The following TOP3A variants were observed in gnomAD, a reference collection of about 807,000 sequenced individuals.
TOP3A encodes the protein DNA topoisomerase 3-alpha.
In TOP3A, 64 loss-of-function variants were observed where a neutral mutation model predicts 111.3. The ratio of observed to expected loss-of-function variants is 0.57; its 90% CI spans 0.47 to 0.71. The LOEUF (loss-of-function observed/expected upper bound fraction) is 0.71. Among genes scored for constraint, TOP3A ranks in the 30% least tolerant of loss-of-function variants. The probability of loss-of-function intolerance (pLI) is 0.00; values close to 1 mark genes in which losing one functional copy is unlikely to be tolerated. For synonymous variants in TOP3A, 484 were observed against 485.1 expected (o/e 1.00, Z 0.03); for missense variants, 1,104 against 1,285.0 (o/e 0.86, Z 2.15).
intron 9 of TOP3A, among the ~76,000 whole-genome samples, chr17:18,295,203 A>G (rs1003761315): frequency 5.9e-5 from 9 of 151,962 alleles, no homozygotes; most frequent in Non-Finnish European, 1.3e-4. Flanking sequence ...CCTAGGCTGG[A>G]GTGCAGTAGC....
intron 13 of TOP3A, 90 bp downstream of exon 13, chr17:18,290,467 G>T: frequency 7.4e-7 from 1 of 1,353,512 alleles, no homozygotes; most frequent in Non-Finnish European, 9.8e-7. Context: ...AGCTGCATTA[G>T]AGAATGGTTT....
chr17:18,301,194 C>T (rs1272849970), intron 8 of TOP3A, among the ~76,000 whole-genome samples: 2 of 152,130 alleles, frequency 1.3e-5, no homozygotes, highest in African/African-American at 4.8e-5. Flanking sequence ...CTGGGTTAAA[C>T]CAGGCTGTTA....
rs1024074897 is a variant in TOP3A, at chr17:18,279,408, C to T, written c.2145-1051G>A. On this transcript the variant is annotated intron_variant, in intron 17 of 18. Coordinates refer to ENST00000321105, the MANE Select transcript of TOP3A (RefSeq NM_004618.5). ...AGTAGCTGGGACTACAGGCGCCCACCAGTACGCCTGGCTGATTTTTTGTAT... is the reference window on the plus strand; with the variant it reads ...AGTAGCTGGGACTACAGGCGCCCACTAGTACGCCTGGCTGATTTTTTGTAT... Among the ~76,000 whole-genome samples, 75 of 151,762 alleles carry T rather than the reference C, an allele frequency of 4.9e-4. 1 individual carries two copies. Among genetic ancestry groups the T allele is most frequent in the Admixed American group, 3.3e-4 (5 of 15,230 alleles).
chr17:18,300,842 T>A (rs1597980093), intron 8 of TOP3A, among the ~76,000 whole-genome samples: 1 of 151,176 alleles, frequency 6.6e-6, no homozygotes, highest in East Asian at 1.9e-4. Flanking sequence ...AAGGGTGGAG[T>A]GAGAGAGAGA....
intron 6 of TOP3A, 52 bp downstream of exon 6, chr17:18,302,528 C>A: frequency 6.3e-7 from 1 of 1,598,618 alleles, no homozygotes. Flanking sequence ...CATTTTTGGT[C>A]CCATAACACA....
At chr17:18,311,145 C>T (rs756125765) in intron 1 of TOP3A, among the ~76,000 whole-genome samples, 2 of 149,326 alleles carry the variant, frequency 1.3e-5, no homozygotes, top group Admixed American at 6.7e-5. Flanking sequence ...GGACTACAGG[C>T]GTCTGCCAGC....
At chr17:18,296,234 G>A (rs1008231209) in intron 9 of TOP3A, among the ~76,000 whole-genome samples, 7 of 152,042 alleles carry the variant, frequency 4.6e-5, no homozygotes, top group African/African-American at 9.7e-5. Context: ...ATGACTATAC[G>A]TCACACTACA....
Position 18,282,778 on chromosome 17 carries a change from G to A in TOP3A, c.1941C>T (p.Ile647=), listed in dbSNP as rs1332727737. The change falls in exon 16 of 19, where the codon ATC becomes ATT. Residue 647 remains isoleucine, a synonymous_variant. Transcript: ENST00000321105. ...TGATGGGCTCTGGCATGGCTGGGTA[G>A]ATATCTTCTTGCTGGGCCAACTCTG... is the stretch of plus-strand genomic sequence containing the variant. ...NGTELAQQED[I]YPAMPEPIRK... is the part of the protein sequence containing the mutation. 1.2e-6 allele frequency: 2 copies of A among 1,614,228 alleles called. No individual in the cohort carries two copies. The highest frequency in any genetic ancestry group is 1.1e-5 in the South Asian group (1 of 91,080).
At chr17:18,303,482 C>T (rs1395134918) in intron 5 of TOP3A, among the ~76,000 whole-genome samples, 1 of 152,130 alleles carries the variant, frequency 6.6e-6, no homozygotes, top group Non-Finnish European at 1.5e-5. Context: ...TGGAATGACT[C>T]GGTGTACAAC....
At position 18,274,562 on chromosome 17, in the gene TOP3A, T is replaced by G; in HGVS notation, c.*240A>C. On this transcript the variant is annotated 3_prime_UTR_variant, in exon 19 of 19. Transcript: ENST00000321105. ...GGTCCGAGGGAGCAGCTGCGTGACTTTTCAGCAGTGGCTATGGTCACTCCT... is the reference window on the plus strand; with the variant it reads ...GGTCCGAGGGAGCAGCTGCGTGACTGTTCAGCAGTGGCTATGGTCACTCCT... The G allele has an allele frequency of 2.0e-6, 1 of 489,260 alleles. No individual in the cohort carries two copies. The highest frequency in any genetic ancestry group is 3.8e-5 in the Admixed American group (1 of 26,252). The allele number at this position is 489,260 out of a possible 1,614,324, so 30.3% of individuals were successfully genotyped here.
chr17:18,301,876 G>A lies in TOP3A; in HGVS notation c.915+9C>T, dbSNP rs1329999872. 2.2e-5 allele frequency: 36 copies of A among 1,611,076 alleles called. No homozygotes were observed. Among genetic ancestry groups the A allele is most frequent in the Non-Finnish European group, 3.0e-5 (35 of 1,177,530 alleles). Reference sequence around the variant, plus strand: ...GCAGAATGTTTCCTAGATCATTAGGGGTTCTTACCTCCACACACAACTGAT... The same window carrying A: ...GCAGAATGTTTCCTAGATCATTAGGAGTTCTTACCTCCACACACAACTGAT... On this transcript the variant is annotated intron_variant, in intron 8 of 18. Transcript: ENST00000321105.
In TOP3A at chr17:18,314,792, G is replaced by T. The variant is rs1191735819; in HGVS notation, c.-14C>A. The T allele has an allele frequency of 6.7e-7, 1 of 1,499,936 alleles. No homozygotes were observed. The highest frequency in any genetic ancestry group is 8.9e-7 in the Non-Finnish European group (1 of 1,119,792). The allele number at this position is 1,499,936 out of a possible 1,614,324, so 92.9% of individuals were successfully genotyped here. A position where few individuals can be genotyped will look rare whatever the true frequency, so the allele number is the denominator to read the frequency against. On this transcript the variant is annotated 5_prime_UTR_variant, in exon 1 of 19. Coordinates refer to ENST00000321105, the MANE Select transcript of TOP3A (RefSeq NM_004618.5). ...AGGAAAGATCATCCTCAGACCTCGC[G>T]CCCGGAGCCGCTCCCCGGCTGCCGG... is the stretch of plus-strand genomic sequence containing the variant.
chr17:18,289,117 A>G (rs1175474252), intron 13 of TOP3A, among the ~76,000 whole-genome samples: 4 of 152,058 alleles, frequency 2.6e-5, no homozygotes, highest in Non-Finnish European at 5.9e-5. Context: ...GGTTCATGCA[A>G]TTCTCCTGCC....
At position 18,306,916 on chromosome 17, in the gene TOP3A, C is replaced by T; in HGVS notation, c.365G>A (p.Cys122Tyr). The change falls in exon 4 of 19, where the codon TGC (cysteine) becomes TAC (tyrosine). Residue 122 changes from cysteine to tyrosine, a missense_variant. By Grantham distance (194) the Cys-to-Tyr change is radical. Coordinates refer to ENST00000321105, the MANE Select transcript of TOP3A (RefSeq NM_004618.5). ...CTTGATGTCTACAAAATTCTCTGGG[C>T]AGTACTTTTCAATTTCTGCTTCAAA... ...VLFEAEIEKY[C>Y]PENFVDIKKT... The T allele has an allele frequency of 6.2e-7, 1 of 1,613,794 alleles. No individual in the cohort carries two copies. The highest frequency in any genetic ancestry group is 8.5e-7 in the Non-Finnish European group (1 of 1,179,766).
At chr17:18,278,712 GCTC>G (rs563067777) in intron 17 of TOP3A, among the ~76,000 whole-genome samples, 404 of 152,300 alleles carry the variant, frequency 2.7e-3, no homozygotes, top group African/African-American at 9.3e-3. Context: ...AGGTGTGGTG[GCTC>G]AAACCTGTAA....
At chr17:18,279,548 G>A (rs1443623083) in intron 17 of TOP3A, among the ~76,000 whole-genome samples, 1 of 78,686 alleles carries the variant, frequency 1.3e-5, no homozygotes, top group East Asian at 2.2e-4. Flanking sequence ...GAGCCACCAC[G>A]CCTGGCCATT....
chr17:18,300,787 A>G (rs1981180217), intron 8 of TOP3A, among the ~76,000 whole-genome samples: 1 of 152,066 alleles, frequency 6.6e-6, no homozygotes, highest in African/African-American at 2.4e-5. Flanking sequence ...TTTATTTAAC[A>G]AATAATTGTA....
chr17:18,305,187 C>A lies in TOP3A; in HGVS notation c.424G>T (p.Ala142Ser), dbSNP rs1376635972. The A allele has an allele frequency of 1.2e-6, 2 of 1,614,164 alleles. No individual in the cohort carries two copies. The highest frequency in any genetic ancestry group is 1.7e-6 in the Non-Finnish European group (2 of 1,180,038). ...TLERETRQCQ[A>S]LVIWTDCDRE... is the part of the protein sequence containing the mutation. ...TCACAGTCAGTCCAGATCACCAGAG[C>A]CTGGCACTGGCGAGTCTCTCGTTCC... The change falls in exon 5 of 19, where the codon GCT (alanine) becomes TCT (serine). Residue 142 changes from alanine to serine, a missense_variant. Coordinates refer to ENST00000321105, the MANE Select transcript of TOP3A (RefSeq NM_004618.5).
chr17:18,313,728 A>C (rs1982063104), intron 1 of TOP3A, among the ~76,000 whole-genome samples: 1 of 152,142 alleles, frequency 6.6e-6, no homozygotes. Flanking sequence ...CTAGCACTGG[A>C]AACAGGTAAA....
Sources: gnomAD v4.1 joint callset for allele counts (sites outside exome capture counted in the v4.1 genomes callset) on GRCh38, gnomAD v4.1.1 for gene constraint, MANE v1.5 for transcripts, NCBI Gene and HGNC (gene_info 2026-07-23, HGNC 2026-07-21) for gene names.